PLBD2: variants seen among roughly 807,000 people sequenced by gnomAD.
PLBD2 encodes the protein phospholipase B domain containing 2.
In PLBD2, 51 loss-of-function variants were observed where a neutral mutation model predicts 68.3. That is an observed-to-expected ratio of 0.75 (90% CI 0.60 to 0.94). PLBD2 has a LOEUF of 0.94. PLBD2 is among the 40% of genes least tolerant of loss of function. The probability of loss-of-function intolerance (pLI) is 0.00; values close to 1 mark genes in which losing one functional copy is unlikely to be tolerated. For missense variants in PLBD2, 729 were observed against 792.2 expected (o/e 0.92, Z 0.96); for synonymous variants, 314 against 339.3 (o/e 0.93, Z 0.82).
chr12:113,376,636 CA>C (rs1282245237), intron 5 of PLBD2, among the ~76,000 whole-genome samples: 1 of 152,282 alleles, frequency 6.6e-6, no homozygotes, highest in Admixed American at 6.5e-5. Flanking sequence ...GCAAGGATTG[CA>C]TGAATACATT....
rs144459388 is a variant in PLBD2 at position 113,379,495 on chromosome 12, C to G, written c.860-1250C>G. ...TCTGCAAAGTGCAGATGATAATTCT[C>G]TGCCCCCATGCAGGGCGGGTATAAG... On this transcript the variant is annotated intron_variant, in intron 5 of 11. Coordinates refer to ENST00000280800, the MANE Select transcript of PLBD2 (RefSeq NM_173542.4). Among the ~76,000 whole-genome samples the G allele has an allele frequency of 4.5e-4, 69 of 152,240 alleles. 1 individual carries two copies. The highest frequency in any genetic ancestry group is 8.5e-4 in the Non-Finnish European group (58 of 68,016).
chr12:113,381,062 C>T (rs113322036), intron 6 of PLBD2, among the ~76,000 whole-genome samples: 1,935 of 152,178 alleles, frequency 0.013, 47 homozygotes, highest in African/African-American at 0.043. Context: ...ACTTGGACCA[C>T]CACAAGGGCG....
At chr12:113,364,610 A>C (rs1285153088) in intron 1 of PLBD2, among the ~76,000 whole-genome samples, 2 of 151,638 alleles carry the variant, frequency 1.3e-5, no homozygotes, top group Non-Finnish European at 2.9e-5. Context: ...GGCAAGCACC[A>C]CCACACCTGG....
intron 3 of PLBD2, among the ~76,000 whole-genome samples, chr12:113,374,061 A>G (rs1031198568): frequency 6.6e-6 from 1 of 152,054 alleles, no homozygotes; most frequent in African/African-American, 2.4e-5. Context: ...CTTTATGGCT[A>G]TAGGATGTTG....
At chr12:113,369,302 C>T (rs1035266989) in intron 2 of PLBD2, 93 bp downstream of exon 2, 1 of 902,296 alleles carries the variant, frequency 1.1e-6, no homozygotes, top group South Asian at 2.5e-5. Context: ...GCAGAGTAGG[C>T]CCCCAACTCC....
chr12:113,359,282 C>A, intron 1 of PLBD2: 1 of 187,440 alleles, frequency 5.3e-6, no homozygotes. Context: ...AGCCCCCTGT[C>A]CCCAGGCCTG....
rs567428112 is a variant in PLBD2 at position 113,384,676 on chromosome 12, G to T, written c.1119-175G>T. On this transcript the variant is annotated intron_variant, in intron 7 of 11. Coordinates refer to ENST00000280800, the MANE Select transcript of PLBD2 (RefSeq NM_173542.4). The surrounding 1 kb of genome is among the most constrained non-coding windows in gnomAD (Gnocchi z 4.2). ...TTCTGGAACAGTCAAGCAGCATGACGAGAGAGGGGTTTGTGGATACCTGGT... is the reference window on the plus strand; with the variant it reads ...TTCTGGAACAGTCAAGCAGCATGACTAGAGAGGGGTTTGTGGATACCTGGT... Among the ~76,000 whole-genome samples, 1 of 152,158 alleles carries T rather than the reference G, an allele frequency of 6.6e-6. No homozygotes were observed. The highest frequency in any genetic ancestry group is 1.5e-5 in the Non-Finnish European group (1 of 68,022).
chr12:113,367,155 A>G (rs1957348876), intron 1 of PLBD2, among the ~76,000 whole-genome samples: 1 of 152,220 alleles, frequency 6.6e-6, no homozygotes, highest in Non-Finnish European at 1.5e-5. Flanking sequence ...GTATACAGGG[A>G]ATTTCACCAA....
In PLBD2 at chr12:113,358,593, G is replaced by T; in HGVS notation, c.-8G>T. 6.8e-7 allele frequency: 1 copy of T among 1,468,152 alleles called. No homozygotes were observed. Among genetic ancestry groups the T allele is most frequent in the Non-Finnish European group, 8.9e-7 (1 of 1,119,254 alleles). 90.9% of individuals were successfully genotyped at this position (1,468,152 alleles called of 1,614,324 possible). On this transcript the variant is annotated 5_prime_UTR_variant, in exon 1 of 12. Coordinates refer to ENST00000280800, the MANE Select transcript of PLBD2 (RefSeq NM_173542.4). ...GACCCGGGCTGCGGGGCGCAGCATT[G>T]TGCGGTCATGGTGGGCCAGATGTAC...
intron 9 of PLBD2, among the ~76,000 whole-genome samples, chr12:113,385,873 C>T (rs955707982): frequency 6.6e-6 from 1 of 152,076 alleles, no homozygotes; most frequent in African/African-American, 2.4e-5. Flanking sequence ...GCCTCAGCCT[C>T]CTGAGTAGCT....
At chr12:113,362,350 G>A (rs767584373) in intron 1 of PLBD2, among the ~76,000 whole-genome samples, 1 of 151,808 alleles carries the variant, frequency 6.6e-6, no homozygotes, top group Non-Finnish European at 1.5e-5. Flanking sequence ...AAAAGGCTGA[G>A]ATAGGAGTGA....
Position 113,387,843 on chromosome 12 carries a change from G to A in PLBD2, c.1539G>A (p.Pro513=), listed in dbSNP as rs765206237. 10 of 1,614,050 alleles carry A rather than the reference G, an allele frequency of 6.2e-6. 1 individual carries two copies. The highest frequency in any genetic ancestry group is 5.0e-5 in the Admixed American group (3 of 60,002). Residue 513 remains proline (P), a synonymous_variant, in exon 11 of 12, where the codon CCG becomes CCA. Coordinates refer to ENST00000280800, the MANE Select transcript of PLBD2 (RefSeq NM_173542.4). ...TCTCCGCCCGCTCCGACCTCAACCC[G>A]GCCAATGGCTCCTACCCCTTCCAGG... ...NAISARSDLN[P]ANGSYPFQAL... is the part of the protein sequence containing the mutation.
At position 113,389,405 on chromosome 12, in the gene PLBD2, C is replaced by G. The variant is rs11066552; in HGVS notation, c.*779C>G. ...AAACAAGAGCGGCTGTGGCCCCATGCTGTGCTTCTTGGGGTGGCAGGGAAG... is the reference window on the plus strand; with the variant it reads ...AAACAAGAGCGGCTGTGGCCCCATGGTGTGCTTCTTGGGGTGGCAGGGAAG... On this transcript the variant is annotated 3_prime_UTR_variant, in exon 12 of 12. Coordinates refer to ENST00000280800, the MANE Select transcript of PLBD2 (RefSeq NM_173542.4). 1.3e-5 allele frequency: 2 copies of G among 152,330 alleles called. No individual in the cohort carries two copies. Among genetic ancestry groups the G allele is most frequent in the East Asian group, 3.9e-4 (2 of 5,192 alleles). The allele number at this position is 152,330 out of a possible 1,614,324, so 9.4% of individuals were successfully genotyped here. A position where few individuals can be genotyped will look rare whatever the true frequency, so the allele number is the denominator to read the frequency against.
intron 10 of PLBD2, 103 bp downstream of exon 10, chr12:113,387,192 C>T (rs973784325): frequency 4.3e-6 from 6 of 1,407,028 alleles, no homozygotes; most frequent in African/African-American, 1.5e-5. Flanking sequence ...GCTGCCAGCC[C>T]CAGAGGGCCA....
intron 3 of PLBD2, 73 bp from the exon 4 acceptor site, chr12:113,374,401 G>A: frequency 2.8e-5 from 29 of 1,047,454 alleles, no homozygotes; most frequent in African/African-American, 4.7e-5. Context: ...GCCAGAGCCC[G>A]TCCCGTTGAA....
intron 2 of PLBD2, 124 bp downstream of exon 2, chr12:113,369,333 C>T: frequency 1.5e-6 from 1 of 688,788 alleles, no homozygotes; most frequent in Non-Finnish European, 2.2e-6. Context: ...CTTCATCTAT[C>T]TGGGGAGAAA....
At position 113,390,881 on chromosome 12, in the gene PLBD2, TCATC is replaced by T. The variant is rs1957605007; in HGVS notation, c.*2262_*2265del. 6.6e-6 allele frequency: 1 copy of T among 151,502 alleles called. No individual in the cohort carries two copies. Among genetic ancestry groups the T allele is most frequent in the Non-Finnish European group, 1.5e-5 (1 of 67,828 alleles). The allele number at this position is 151,502 out of a possible 1,614,324, so 9.4% of individuals were successfully genotyped here. On this transcript the variant is annotated 3_prime_UTR_variant, in exon 12 of 12. Coordinates refer to ENST00000280800, the MANE Select transcript of PLBD2 (RefSeq NM_173542.4). Reference sequence around the variant, plus strand: ...TCCATCCACCCACTCATCCATCCATTCATCCATCCACCCACCCACCCGTCCATCC... The same window carrying T: ...TCCATCCACCCACTCATCCATCCATTCATCCACCCACCCACCCGTCCATCC...
chr12:113,384,309 T>C lies in PLBD2; in HGVS notation c.1118+44T>C. On this transcript the variant is annotated intron_variant, in intron 7 of 11. Coordinates refer to ENST00000280800, the MANE Select transcript of PLBD2 (RefSeq NM_173542.4). The surrounding 1 kb of genome is among the most constrained non-coding windows in gnomAD (Gnocchi z 4.2). ...CTGTGGCTTCCCCTGCACCAAGAGA[T>C]AGACCAACCTCCCCTTTAACACTCA... The C allele has an allele frequency of 6.4e-7, 1 of 1,570,310 alleles. No homozygotes were observed. The highest frequency in any genetic ancestry group is 8.6e-7 in the Non-Finnish European group (1 of 1,156,294).
At chr12:113,369,084 T>G (rs1338893130) in intron 1 of PLBD2, 32 bp from the exon 2 acceptor site, 1 of 1,512,062 alleles carries the variant, frequency 6.6e-7, no homozygotes, top group Non-Finnish European at 9.0e-7. Context: ...GGGCCTCTGC[T>G]GCTGACTGAG....
Sources: gnomAD v4.1 joint callset for allele counts (sites outside exome capture counted in the v4.1 genomes callset) on GRCh38, gnomAD v4.1.1 for gene constraint, Gnocchi (gnomAD v3.1) non-coding constraint, MANE v1.5 for transcripts, NCBI Gene and HGNC (gene_info 2026-07-23, HGNC 2026-07-21) for gene names.